PTN: variants seen among roughly 807,000 people sequenced by gnomAD.
The protein encoded by PTN is pleiotrophin.
In PTN, 18 loss-of-function variants were observed where a neutral mutation model predicts 24.1. That is an observed-to-expected ratio of 0.75 (90% CI 0.52 to 1.11). The LOEUF (loss-of-function observed/expected upper bound fraction) is 1.11, where lower values mean the gene tolerates loss of function less well. Among genes scored for constraint, PTN ranks in the 50% least tolerant of loss-of-function variants. The pLI is 0.00. For missense variants in PTN, 163 were observed against 198.8 expected, an observed-to-expected ratio of 0.82 and a Z score of 1.08; for synonymous variants, 78 against 68.6, an observed-to-expected ratio of 1.14 and a Z score of -0.67.
rs548394917 is a variant in PTN at position 137,257,964 on chromosome 7, A to T, written c.-1-2990T>A. On this transcript the variant is annotated intron_variant, in intron 1 of 4. Transcript: ENST00000348225. Reference sequence around the variant, plus strand: ...AATAGAAAGACTCTACCTTCTGTAAATAATACAATAACACACATATACACA... The same window carrying T: ...AATAGAAAGACTCTACCTTCTGTAATTAATACAATAACACACATATACACA... Among the ~76,000 whole-genome samples the T allele has an allele frequency of 1.2e-4, 19 of 152,326 alleles. No homozygotes were observed. The South Asian group carries it at 1.9e-3, about 15-fold the overall frequency.
At position 137,287,796 on chromosome 7, in the gene PTN, T is replaced by C. The variant is rs1585030370; in HGVS notation, c.-1-32822A>G. The stretch of plus-strand genomic sequence containing the variant: ...GAATAAAGAAAAAAAGGGCTTACAT[T>C]GTATGTGCTCCAAAATGTCTATAGT... On this transcript the variant is annotated intron_variant, in intron 1 of 4. Coordinates refer to ENST00000348225, the MANE Select transcript of PTN (RefSeq NM_002825.7). 5 of 152,210 alleles carry C rather than the reference T, an allele frequency of 3.3e-5. No homozygotes were observed. In the South Asian group the frequency reaches 8.3e-4, roughly 25 times the overall value. The allele number at this position is 152,210 out of a possible 1,614,324, so 9.4% of individuals were successfully genotyped here.
rs1360385515 is a variant in PTN, at chr7:137,343,633, G to A, written c.-196C>T. ...ACTTTGGATTTTCCTCTGCTCTGGG[G>A]CTCTCTTGGCGGGATTTTTGGACTG... On this transcript the variant is annotated 5_prime_UTR_variant, in exon 1 of 5. Coordinates refer to ENST00000348225, the MANE Select transcript of PTN (RefSeq NM_002825.7). 3.9e-6 allele frequency: 2 copies of A among 518,792 alleles called. No individual in the cohort carries two copies. The highest frequency in any genetic ancestry group is 7.7e-6 in the Non-Finnish European group (2 of 259,820). 32.1% of individuals were successfully genotyped at this position (518,792 alleles called of 1,614,324 possible). A position where few individuals can be genotyped will look rare whatever the true frequency, so the allele number is the denominator to read the frequency against.
chr7:137,330,750 T>G (rs945800733), intron 1 of PTN, among the ~76,000 whole-genome samples: 2 of 152,114 alleles, frequency 1.3e-5, no homozygotes, highest in Non-Finnish European at 2.9e-5. Flanking sequence ...ACACTCCCTC[T>G]GAGAAAAACA....
intron 1 of PTN, among the ~76,000 whole-genome samples, chr7:137,283,199 A>C (rs1585028375): frequency 6.6e-6 from 1 of 152,324 alleles, no homozygotes; most frequent in East Asian, 1.9e-4. Flanking sequence ...TAGCTGGCAA[A>C]AAAATAGGTT....
At chr7:137,234,157 G>A (rs573656294) in intron 4 of PTN, among the ~76,000 whole-genome samples, 2 of 151,778 alleles carry the variant, frequency 1.3e-5, no homozygotes, top group African/African-American at 4.8e-5. Flanking sequence ...CCATGTCATT[G>A]CATATACTTT....
intron 1 of PTN, among the ~76,000 whole-genome samples, chr7:137,262,660 C>T (rs167718): frequency 0.53 from 80,813 of 151,800 alleles, 23,927 homozygotes; most frequent in African/African-American, 0.81. Context: ...GGCTAACAAC[C>T]CTAAGGGGGT....
At chr7:137,314,570 G>C (rs1161190889) in intron 1 of PTN, among the ~76,000 whole-genome samples, 1 of 150,168 alleles carries the variant, frequency 6.7e-6, no homozygotes, top group Non-Finnish European at 1.5e-5. Context: ...TTATCTCTCA[G>C]GTCCAAACCC....
chr7:137,262,402 A>G (rs1339305187), intron 1 of PTN, among the ~76,000 whole-genome samples: 1 of 151,980 alleles, frequency 6.6e-6, no homozygotes, highest in Non-Finnish European at 1.5e-5. Flanking sequence ...ATTCTTTCCC[A>G]GTTTTGTCAC....
intron 1 of PTN, among the ~76,000 whole-genome samples, chr7:137,260,918 A>T (rs895282090): frequency 3.3e-5 from 5 of 152,186 alleles, no homozygotes; most frequent in Non-Finnish European, 5.9e-5. Context: ...AATACTTAAC[A>T]TAATTCCATA....
chr7:137,298,993 T>G (rs1563216546), intron 1 of PTN, among the ~76,000 whole-genome samples: 2 of 152,044 alleles, frequency 1.3e-5, no homozygotes, highest in East Asian at 3.9e-4. Flanking sequence ...AAGAGTGTTT[T>G]ATTAAGTACC....
chr7:137,291,709 C>T (rs1423560946), intron 1 of PTN, among the ~76,000 whole-genome samples: 2 of 152,030 alleles, frequency 1.3e-5, no homozygotes, highest in Admixed American at 6.6e-5. Flanking sequence ...CTGACGTAAG[C>T]GCTGACTCCA....
intron 1 of PTN, among the ~76,000 whole-genome samples, chr7:137,329,017 T>C (rs907238606): frequency 6.6e-6 from 1 of 152,146 alleles, no homozygotes; most frequent in Non-Finnish European, 1.5e-5. Context: ...TTAAGAATTT[T>C]GTGGTTAGAA....
chr7:137,237,668 CA>C (rs1435704472), intron 4 of PTN, among the ~76,000 whole-genome samples: 46 of 152,264 alleles, frequency 3.0e-4, no homozygotes, highest in Admixed American at 1.0e-3. Context: ...CACCCCCCTT[CA>C]AACATGTCCT....
At chr7:137,249,123 TC>T (rs1808777334) in intron 4 of PTN, among the ~76,000 whole-genome samples, 1 of 152,172 alleles carries the variant, frequency 6.6e-6, no homozygotes, top group African/African-American at 2.4e-5. Flanking sequence ...TTAATCATGT[TC>T]CCTGCTGTGT....
chr7:137,336,091 A>G (rs1187427514), intron 1 of PTN, among the ~76,000 whole-genome samples: 1 of 152,174 alleles, frequency 6.6e-6, no homozygotes, highest in Non-Finnish European at 1.5e-5. Flanking sequence ...GGGAAACCAG[A>G]AAGGCAGAAC....
intron 2 of PTN, among the ~76,000 whole-genome samples, chr7:137,254,372 A>G (rs1808881383): frequency 6.6e-6 from 1 of 152,016 alleles, no homozygotes; most frequent in Non-Finnish European, 1.5e-5. Flanking sequence ...TCTGCCTTGT[A>G]GAAGGAATGA....
At chr7:137,251,493 TTATAGATCCA>T (rs1388698177) in intron 3 of PTN, 102 bp from the exon 4 acceptor site, 1 of 1,304,978 alleles carries the variant, frequency 7.7e-7, no homozygotes, top group African/African-American at 1.5e-5. Context: ...ATTGAAATAA[TTATAGATCCA>T]TATGCAGCTA....
intron 1 of PTN, among the ~76,000 whole-genome samples, chr7:137,280,450 C>A (rs1474422282): frequency 6.6e-6 from 1 of 151,378 alleles, no homozygotes; most frequent in Non-Finnish European, 1.5e-5. Flanking sequence ...AGAGTAAGGA[C>A]TGAAGAAGTA....
chr7:137,256,879 A>T (rs901818029), intron 1 of PTN, among the ~76,000 whole-genome samples: 3 of 152,222 alleles, frequency 2.0e-5, no homozygotes, highest in Non-Finnish European at 2.9e-5. Flanking sequence ...TTTTCAAAAG[A>T]CATTTCTGCA....
Sources: allele counts gnomAD v4.1 joint callset (sites outside exome capture counted in the v4.1 genomes callset), GRCh38; gene constraint gnomAD v4.1.1; transcripts MANE v1.5; gene names NCBI Gene and HGNC (gene_info 2026-07-23, HGNC 2026-07-21).